Variants in USP8 observed in about 807,000 individuals in gnomAD.
The protein encoded by USP8 is ubiquitin specific peptidase 8, also known as ubiquitin carboxyl-terminal hydrolase 8.
Under a neutral mutation model 130.0 loss-of-function variants are expected in USP8, and 27 were observed. That is an observed-to-expected ratio of 0.21 (90% CI 0.15 to 0.29). The LOEUF is 0.29. Among genes scored for constraint, USP8 ranks in the 10% least tolerant of loss-of-function variants. USP8 has a pLI of 1.00. For synonymous variants in USP8, 392 were observed against 444.1 expected (o/e 0.88, Z 1.48); for missense variants, 1,029 against 1,312.2 (o/e 0.78, Z 3.33).
At chr15:50,461,588 C>T (rs986708121) in intron 5 of USP8, among the ~76,000 whole-genome samples, 2 of 152,136 alleles carry the variant, frequency 1.3e-5, no homozygotes, top group East Asian at 1.9e-4. Flanking sequence ...GGCACAGCGG[C>T]TCATGCCTAT....
rs1432396506 is a variant in USP8 at position 50,507,268 on chromosome 15, G to C, written c.*8180G>C. The C allele has an allele frequency of 2.6e-5, 4 of 152,548 alleles. No homozygotes were observed. The highest frequency in any genetic ancestry group is 9.6e-5 in the African/African-American group (4 of 41,456). 9.4% of individuals were successfully genotyped at this position (152,548 alleles called of 1,614,324 possible). On this transcript the variant is annotated 3_prime_UTR_variant, in exon 20 of 20. Transcript: ENST00000307179. ...ACTGCACTCCAGCCTGGGGCACAGA[G>C]TGAGACTCTGTCTCTAAAACAAAAC...
At chr15:50,434,587 C>G (rs2050039951) in intron 1 of USP8, among the ~76,000 whole-genome samples, 3 of 151,652 alleles carry the variant, frequency 2.0e-5, no homozygotes. Flanking sequence ...TTTCCACTTG[C>G]AATCCTTTTT....
rs55893529 is a variant in USP8 at position 50,442,541 on chromosome 15, C to A, written c.249+1048C>A. Reference sequence around the variant, plus strand: ...GGTGGATCACCTGAGGTCAGGAGTTCGAGACCAGCCTGGCCAACATGGTGA... The same window carrying A: ...GGTGGATCACCTGAGGTCAGGAGTTAGAGACCAGCCTGGCCAACATGGTGA... On this transcript the variant is annotated intron_variant, in intron 3 of 19. Transcript: ENST00000307179. Among the ~76,000 whole-genome samples, 619 of 152,048 alleles carry A rather than the reference C, an allele frequency of 4.1e-3. 15 individuals are homozygous for A. Among genetic ancestry groups the A allele is most frequent in the Admixed American group, 0.038 (572 of 15,244 alleles).
intron 5 of USP8, 132 bp from the exon 6 acceptor site, chr15:50,462,148 G>C (rs543938350): frequency 1.5e-6 from 1 of 645,228 alleles, no homozygotes; most frequent in Non-Finnish European, 2.6e-6. Context: ...ATTCGTCTGC[G>C]TTTTTATAAA....
At position 50,459,171 on chromosome 15, in the gene USP8, A is replaced by C. The variant is rs190337023; in HGVS notation, c.498+9A>C. On this transcript the variant is annotated intron_variant, in intron 5 of 19. Transcript: ENST00000307179. ...AAGACAAAACCCAAAAGGTATTTCA[A>C]ATTTAATGTGTGAGTTAAAAGACTG... 5.6e-6 allele frequency: 9 copies of C among 1,597,128 alleles called. No homozygotes were observed. The South Asian group carries it at 9.2e-5, about 16-fold the overall frequency.
At chr15:50,446,440 T>C in intron 3 of USP8, among the ~76,000 whole-genome samples, 1 of 152,196 alleles carries the variant, frequency 6.6e-6, no homozygotes, top group East Asian at 1.9e-4. Flanking sequence ...AGTTCATGTG[T>C]AAAAATGAAT....
At chr15:50,443,397 T>C (rs2050322583) in intron 3 of USP8, among the ~76,000 whole-genome samples, 1 of 152,190 alleles carries the variant, frequency 6.6e-6, no homozygotes, top group African/African-American at 2.4e-5. Flanking sequence ...AAGGAATGAC[T>C]TTAATATTTT....
At chr15:50,487,362 AAGAG>A (rs112249459) in intron 12 of USP8, among the ~76,000 whole-genome samples, 22 of 150,154 alleles carry the variant, frequency 1.5e-4, no homozygotes, top group Non-Finnish European at 2.7e-4. Context: ...AGAGAAAATG[AAGAG>A]AGAGAGAGAG....
chr15:50,491,019 A>T (rs571665760), intron 14 of USP8, among the ~76,000 whole-genome samples: 1 of 152,184 alleles, frequency 6.6e-6, no homozygotes, highest in South Asian at 2.1e-4. Flanking sequence ...CCTTCGTTGT[A>T]GTTTTGCTAT....
intron 1 of USP8, among the ~76,000 whole-genome samples, chr15:50,425,208 A>G (rs903943811): frequency 2.0e-5 from 3 of 152,218 alleles, no homozygotes; most frequent in Non-Finnish European, 4.4e-5. Flanking sequence ...TTTACCTGAC[A>G]CGGAGGTGTT....
At chr15:50,466,585 ACT>A (rs1181265969) in intron 7 of USP8, among the ~76,000 whole-genome samples, 2 of 145,314 alleles carry the variant, frequency 1.4e-5, no homozygotes, top group African/African-American at 2.6e-5. Flanking sequence ...ACAGAGGGAG[ACT>A]CTGTCTCAAA....
At chr15:50,459,996 C>CCTTTTTTT (rs567135111) in intron 5 of USP8, among the ~76,000 whole-genome samples, 5 of 91,986 alleles carry the variant, frequency 5.4e-5, no homozygotes, top group African/African-American at 8.7e-5. Flanking sequence ...CACCCCCCCC[C>CCTTTTTTT]TTTTTTTTTT....
Position 50,484,305 on chromosome 15 carries a change from G to A in USP8, c.1834G>A (p.Gly612Arg). 1.2e-6 allele frequency: 2 copies of A among 1,611,510 alleles called. No homozygotes were observed. The highest frequency in any genetic ancestry group is 1.7e-6 in the Non-Finnish European group (2 of 1,179,040). ...PFKIKGQPESGILRTGTFRED... is the reference protein window; with the variant it reads ...PFKIKGQPESRILRTGTFRED... ...TAAGATTAAAGGACAACCAGAAAGTGGAATTCTAAGGACAGGAACTTTTAG... is the reference window on the plus strand; with the variant it reads ...TAAGATTAAAGGACAACCAGAAAGTAGAATTCTAAGGACAGGAACTTTTAG... Residue 612 changes from glycine (G) to arginine (R), a missense_variant, in exon 12 of 20, where the codon GGA becomes AGA. By Grantham distance (125) the Gly-to-Arg change is moderately radical. Coordinates refer to ENST00000307179, the MANE Select transcript of USP8 (RefSeq NM_005154.5).
At chr15:50,483,788 G>A (rs189200525) in intron 11 of USP8, among the ~76,000 whole-genome samples, 2 of 150,086 alleles carry the variant, frequency 1.3e-5, no homozygotes, top group African/African-American at 4.9e-5. Context: ...AGCGAGACTC[G>A]GTCTCCAAAA....
In USP8 at chr15:50,499,155, C is replaced by T; in HGVS notation, c.*67C>T. 1 of 1,466,752 alleles carries T rather than the reference C, an allele frequency of 6.8e-7. No homozygotes were observed. Among genetic ancestry groups the T allele is most frequent in the East Asian group, 2.3e-5 (1 of 43,720 alleles). 90.9% of individuals were successfully genotyped at this position (1,466,752 alleles called of 1,614,324 possible). A position where few individuals can be genotyped will look rare whatever the true frequency, so the allele number is the denominator to read the frequency against. On this transcript the variant is annotated 3_prime_UTR_variant, in exon 20 of 20. Coordinates refer to ENST00000307179, the MANE Select transcript of USP8 (RefSeq NM_005154.5). ...GCAACACAACTCTTGAAATGCTTATCAGGATAATGGTAGCTATAGCTGGCC... is the reference window on the plus strand; with the variant it reads ...GCAACACAACTCTTGAAATGCTTATTAGGATAATGGTAGCTATAGCTGGCC...
intron 5 of USP8, among the ~76,000 whole-genome samples, chr15:50,460,903 T>A (rs1336757312): frequency 1.3e-5 from 2 of 151,960 alleles, no homozygotes; most frequent in Non-Finnish European, 2.9e-5. Context: ...ACACCTGTAA[T>A]CCCAGCTCTT....
intron 4 of USP8, among the ~76,000 whole-genome samples, chr15:50,457,107 T>C (rs1447372164): frequency 6.6e-6 from 1 of 152,158 alleles, no homozygotes; most frequent in African/African-American, 2.4e-5. Flanking sequence ...TGAAAATGTG[T>C]GGTACAAAAT....
intron 17 of USP8, among the ~76,000 whole-genome samples, chr15:50,496,649 T>C (rs1258993664): frequency 6.6e-6 from 1 of 152,210 alleles, no homozygotes; most frequent in African/African-American, 2.4e-5. Context: ...AAAAGTTTTA[T>C]AAGTTAATTT....
intron 7 of USP8, among the ~76,000 whole-genome samples, chr15:50,468,714 C>G (rs911215485): frequency 1.3e-5 from 2 of 152,228 alleles, no homozygotes; most frequent in South Asian, 2.1e-4. Flanking sequence ...ACACTCCCCC[C>G]TCAAGTAGAC....
Sources: gnomAD v4.1 joint callset for allele counts (sites outside exome capture counted in the v4.1 genomes callset) on GRCh38, gnomAD v4.1.1 for gene constraint, MANE v1.5 for transcripts, NCBI Gene and HGNC (gene_info 2026-07-23, HGNC 2026-07-21) for gene names.